Variants in KIF16B observed in about 807,000 individuals in gnomAD.
KIF16B encodes the protein kinesin-like protein KIF16B.
A neutral mutation model predicts 156.3 loss-of-function variants in KIF16B; 98 were observed. The observed-to-expected ratio is 0.63, with a 90% CI of 0.53 to 0.74. The LOEUF (loss-of-function observed/expected upper bound fraction) is 0.74. KIF16B is among the 30% of genes least tolerant of loss of function. The pLI, the probability that KIF16B is intolerant of heterozygous loss-of-function variation, is 0.00. For missense variants in KIF16B, 1,421 were observed against 1,606.5 expected, an observed-to-expected ratio of 0.88 and a Z score of 1.97; for synonymous variants, 564 against 583.7, an observed-to-expected ratio of 0.97 and a Z score of 0.49.
chr20:16,436,490 A>G (rs2066644253), intron 12 of KIF16B, among the ~76,000 whole-genome samples: 1 of 152,182 alleles, frequency 6.6e-6, no homozygotes, highest in South Asian at 2.1e-4. Flanking sequence ...CTCTCACTTC[A>G]TTCCAGTTAC....
intron 15 of KIF16B, among the ~76,000 whole-genome samples, chr20:16,423,914 T>C (rs988096729): frequency 6.6e-6 from 1 of 152,034 alleles, no homozygotes; most frequent in Non-Finnish European, 1.5e-5. Context: ...CTAGAGCCTG[T>C]GAGTTCCCAA....
chr20:16,566,583 T>TTA (rs1462849291), intron 1 of KIF16B, among the ~76,000 whole-genome samples: 1 of 152,188 alleles, frequency 6.6e-6, no homozygotes, highest in African/African-American at 2.4e-5. Context: ...CCTCATTAAA[T>TTA]TACCATTCCA....
At chr20:16,345,947 C>T (rs545086932) in intron 23 of KIF16B, among the ~76,000 whole-genome samples, 25 of 152,216 alleles carry the variant, frequency 1.6e-4, no homozygotes, top group Non-Finnish European at 1.8e-4. Context: ...GAACGTTCAC[C>T]GGCTTCTCCT....
chr20:16,424,988 T>C (rs906447611), intron 15 of KIF16B, among the ~76,000 whole-genome samples: 2 of 152,128 alleles, frequency 1.3e-5, no homozygotes, highest in African/African-American at 4.8e-5. Context: ...ACAATACCAA[T>C]ATAAACAGAT....
rs1442505532 is a variant in KIF16B, at chr20:16,368,050, G to A, written c.3498+2536C>T. ...ACACGCTGGTTGAGGGTCAGGTGCT[G>A]TGCAGGCAGCAACAGCAAGCCAGTA... On this transcript the variant is annotated intron_variant, in intron 22 of 25. Transcript: ENST00000354981. 2.2e-6 allele frequency: 3 copies of A among 1,380,056 alleles called. No homozygotes were observed. In the African/African-American group the frequency reaches 4.4e-5, roughly 20 times the overall value. 85.5% of individuals were successfully genotyped at this position (1,380,056 alleles called of 1,614,324 possible).
At chr20:16,452,360 A>G (rs1398042995) in intron 12 of KIF16B, among the ~76,000 whole-genome samples, 1 of 152,092 alleles carries the variant, frequency 6.6e-6, no homozygotes, top group African/African-American at 2.4e-5. Flanking sequence ...AATAATTTGA[A>G]TATGAGCAAA....
At chr20:16,490,601 G>A (rs1376915416) in intron 12 of KIF16B, among the ~76,000 whole-genome samples, 4 of 152,036 alleles carry the variant, frequency 2.6e-5, no homozygotes, top group Admixed American at 1.3e-4. Context: ...CACACAGGGA[G>A]ACCAAGTTGC....
intron 24 of KIF16B, among the ~76,000 whole-genome samples, chr20:16,330,985 G>C (rs747205405): frequency 6.6e-6 from 1 of 152,206 alleles, no homozygotes; most frequent in Non-Finnish European, 1.5e-5. Context: ...CGAGTGGACT[G>C]CTCCAGAGAC....
intron 5 of KIF16B, 131 bp from the exon 6 acceptor site, chr20:16,511,658 T>C: frequency 1.7e-6 from 1 of 596,408 alleles, no homozygotes. Context: ...GTGGTGACTG[T>C]GTATCAGGTA....
intron 25 of KIF16B, among the ~76,000 whole-genome samples, chr20:16,293,101 A>G (rs2063336268): frequency 6.6e-6 from 1 of 152,258 alleles, no homozygotes; most frequent in African/African-American, 2.4e-5. Context: ...GGAATTCCAG[A>G]AACAACAGGA....
intron 15 of KIF16B, among the ~76,000 whole-genome samples, chr20:16,416,999 A>T (rs572791222): frequency 7.9e-5 from 12 of 152,238 alleles, no homozygotes; most frequent in African/African-American, 2.4e-4. Flanking sequence ...TCCCCCAAGA[A>T]GGTGGGGCAG....
chr20:16,279,880 A>G (rs1456132326), intron 25 of KIF16B, among the ~76,000 whole-genome samples: 1 of 152,264 alleles, frequency 6.6e-6, no homozygotes, highest in Non-Finnish European at 1.5e-5. Flanking sequence ...TGTGAAAGGC[A>G]AAATGAACTC....
chr20:16,529,394 G>A (rs559688752), intron 1 of KIF16B, among the ~76,000 whole-genome samples: 1 of 152,320 alleles, frequency 6.6e-6, no homozygotes, highest in South Asian at 2.1e-4. Flanking sequence ...CACAAAGTGA[G>A]AAACTATTTC....
intron 12 of KIF16B, among the ~76,000 whole-genome samples, chr20:16,469,048 C>T (rs982268637): frequency 6.6e-6 from 1 of 151,906 alleles, no homozygotes; most frequent in African/African-American, 2.4e-5. Flanking sequence ...AGGCTAGAAA[C>T]TTGAGAGCAG....
chr20:16,332,436 T>C (rs1358444417), intron 24 of KIF16B, among the ~76,000 whole-genome samples: 1 of 152,192 alleles, frequency 6.6e-6, no homozygotes, highest in African/African-American at 2.4e-5. Flanking sequence ...CATGTGGTGT[T>C]TGTTTTAGGA....
At chr20:16,487,972 A>G (rs2068172023) in intron 12 of KIF16B, among the ~76,000 whole-genome samples, 1 of 152,184 alleles carries the variant, frequency 6.6e-6, no homozygotes, top group Non-Finnish European at 1.5e-5. Flanking sequence ...ACTTCAATCC[A>G]ACTTATACAA....
intron 1 of KIF16B, among the ~76,000 whole-genome samples, chr20:16,545,167 G>A (rs945695200): frequency 7.9e-5 from 12 of 152,044 alleles, no homozygotes; most frequent in African/African-American, 2.9e-4. Context: ...AAAAAGATAC[G>A]GCTGTGCACG....
chr20:16,561,076 G>C (rs1325878595), intron 1 of KIF16B, among the ~76,000 whole-genome samples: 1 of 152,098 alleles, frequency 6.6e-6, no homozygotes, highest in East Asian at 1.9e-4. Context: ...GGTCACCTGA[G>C]GTCAGGAGTT....
chr20:16,552,415 TGAGGTTTTCAG>T (rs1229723176), intron 1 of KIF16B, among the ~76,000 whole-genome samples: 1 of 152,174 alleles, frequency 6.6e-6, no homozygotes, highest in African/African-American at 2.4e-5. Flanking sequence ...TGAGCTTCGT[TGAGGTTTTCAG>T]GTGAGGCCTC....
Sources: gnomAD v4.1 joint callset for allele counts (sites outside exome capture counted in the v4.1 genomes callset) on GRCh38, gnomAD v4.1.1 for gene constraint, MANE v1.5 for transcripts, NCBI Gene and HGNC (gene_info 2026-07-23, HGNC 2026-07-21) for gene names.